The following GRID2 variants were observed in gnomAD, a reference collection of about 807,000 sequenced individuals.
GRID2 encodes glutamate receptor ionotropic, delta-2.
Under a neutral mutation model 114.8 loss-of-function variants are expected in GRID2, and 33 were observed. The ratio of observed to expected loss-of-function variants is 0.29; its 90% CI spans 0.22 to 0.38. The LOEUF (loss-of-function observed/expected upper bound fraction) is 0.38, where lower values mean the gene tolerates loss of function less well. Ranked by LOEUF, GRID2 falls within the 10% of genes least tolerant of loss-of-function variation. The pLI is 1.00. For synonymous variants in GRID2, 505 were observed against 449.9 expected (o/e 1.12, Z -1.55); for missense variants, 1,184 against 1,257.7 (o/e 0.94, Z 0.89).
At chr4:92,606,365 T>A (rs577580649) in intron 2 of GRID2, among the ~76,000 whole-genome samples, 12 of 152,158 alleles carry the variant, frequency 7.9e-5, no homozygotes, top group Admixed American at 7.2e-4. Context: ...AACAGCTGGG[T>A]TAGGTTAACT....
chr4:93,687,570 G>A (rs1318900943), intron 14 of GRID2, among the ~76,000 whole-genome samples: 1 of 151,798 alleles, frequency 6.6e-6, no homozygotes, highest in Non-Finnish European at 1.5e-5. Context: ...GCACCCAGAG[G>A]GCACTTGAAG....
At chr4:93,690,279 A>G (rs1446545741) in intron 14 of GRID2, among the ~76,000 whole-genome samples, 4 of 152,038 alleles carry the variant, frequency 2.6e-5, no homozygotes, top group Non-Finnish European at 5.9e-5. Flanking sequence ...TAAAAAACGC[A>G]CAATAAGATA....
intron 2 of GRID2, among the ~76,000 whole-genome samples, chr4:92,629,714 A>C (rs2149245011): frequency 6.6e-6 from 1 of 151,670 alleles, no homozygotes; most frequent in East Asian, 1.9e-4. Flanking sequence ...GATTTTTAAA[A>C]TTTTAATAGC....
chr4:92,830,662 C>G (rs778617626), intron 2 of GRID2, among the ~76,000 whole-genome samples: 51 of 152,080 alleles, frequency 3.4e-4, no homozygotes, highest in Admixed American at 5.2e-4. Context: ...TGGGCAGATG[C>G]CAAGAAATAA....
In GRID2 at chr4:92,587,985, C is replaced by T. The variant is rs183559356; in HGVS notation, c.89-2146C>T. 7.2e-5 allele frequency among the ~76,000 whole-genome samples: 11 copies of T among 152,202 alleles called. No homozygotes were observed. The East Asian group carries it at 7.7e-4, about 11-fold the overall frequency. On this transcript the variant is annotated intron_variant, in intron 1 of 15. Transcript: ENST00000282020. Reference sequence around the variant, plus strand: ...TGTATAAACACACATTACTACTTTGCGAATAGACATTTAGATTATCTGGTT... The same window carrying T: ...TGTATAAACACACATTACTACTTTGTGAATAGACATTTAGATTATCTGGTT...
At chr4:93,381,159 C>T (rs555236735) in intron 8 of GRID2, among the ~76,000 whole-genome samples, 1 of 152,170 alleles carries the variant, frequency 6.6e-6, no homozygotes, top group South Asian at 2.1e-4. Context: ...CATCCATCAT[C>T]ACCCATCTAT....
chr4:93,109,160 A>C (rs1052208142), intron 3 of GRID2, among the ~76,000 whole-genome samples: 1 of 152,192 alleles, frequency 6.6e-6, no homozygotes, highest in Admixed American at 6.5e-5. Context: ...TCTGACTTGG[A>C]TATTGAATGA....
chr4:93,477,237 C>CT (rs2149442563), intron 11 of GRID2, among the ~76,000 whole-genome samples: 1 of 152,166 alleles, frequency 6.6e-6, no homozygotes, highest in South Asian at 2.1e-4. Context: ...GAGCCTGCTC[C>CT]TAAAATAATG....
At chr4:92,739,959 T>C (rs1736791178) in intron 2 of GRID2, among the ~76,000 whole-genome samples, 1 of 152,172 alleles carries the variant, frequency 6.6e-6, no homozygotes, top group Non-Finnish European at 1.5e-5. Context: ...TGAAAGGGAA[T>C]CCATAATCTC....
At chr4:93,675,197 A>C (rs1338151943) in intron 14 of GRID2, among the ~76,000 whole-genome samples, 1 of 152,144 alleles carries the variant, frequency 6.6e-6, no homozygotes, top group East Asian at 1.9e-4. Flanking sequence ...CTTACATCTC[A>C]AAGGTAATAA....
At chr4:92,745,560 A>T (rs1481594502) in intron 2 of GRID2, among the ~76,000 whole-genome samples, 3 of 152,168 alleles carry the variant, frequency 2.0e-5, no homozygotes, top group Non-Finnish European at 2.9e-5. Context: ...AGATATTTTA[A>T]TACTAGATGA....
chr4:92,720,106 C>T (rs982759232), intron 2 of GRID2, among the ~76,000 whole-genome samples: 1 of 152,008 alleles, frequency 6.6e-6, no homozygotes, highest in Non-Finnish European at 1.5e-5. Flanking sequence ...GTCTCCAGAA[C>T]ATTTCATAGG....
At chr4:93,075,519 G>C (rs1043624389) in intron 2 of GRID2, among the ~76,000 whole-genome samples, 3 of 152,112 alleles carry the variant, frequency 2.0e-5, no homozygotes, top group South Asian at 2.1e-4. Context: ...AGATTGGAAA[G>C]AAAGAAGTAA....
At chr4:93,303,465 G>A (rs1171977823) in intron 8 of GRID2, among the ~76,000 whole-genome samples, 1 of 152,160 alleles carries the variant, frequency 6.6e-6, no homozygotes, top group Non-Finnish European at 1.5e-5. Flanking sequence ...TCTTGGGGTA[G>A]GATGGGCTGA....
intron 2 of GRID2, among the ~76,000 whole-genome samples, chr4:93,018,546 C>T (rs1238528038): frequency 6.6e-6 from 1 of 151,976 alleles, no homozygotes; most frequent in Non-Finnish European, 1.5e-5. Context: ...GAGATCAATT[C>T]CATTTTAAGA....
At chr4:92,360,196 C>T (rs989520637) in intron 1 of GRID2, among the ~76,000 whole-genome samples, 3 of 151,910 alleles carry the variant, frequency 2.0e-5, no homozygotes, top group Admixed American at 6.6e-5. Flanking sequence ...CTATGCAGTT[C>T]CACAATCTTT....
chr4:92,610,114 A>T (rs186274595), intron 2 of GRID2, among the ~76,000 whole-genome samples: 1 of 151,806 alleles, frequency 6.6e-6, no homozygotes, highest in East Asian at 1.9e-4. Flanking sequence ...GGCCAATGGA[A>T]TGTGAACAGA....
At chr4:92,661,742 T>C (rs560516220) in intron 2 of GRID2, among the ~76,000 whole-genome samples, 2 of 151,114 alleles carry the variant, frequency 1.3e-5, no homozygotes, top group South Asian at 4.1e-4. Flanking sequence ...GATGTATATG[T>C]TTAATTTCTC....
chr4:92,744,413 G>A (rs958586675), intron 2 of GRID2, among the ~76,000 whole-genome samples: 3 of 151,458 alleles, frequency 2.0e-5, no homozygotes, highest in South Asian at 2.1e-4. Flanking sequence ...CCTTGAACCC[G>A]GGAGGCGGAG....
Sources: allele counts gnomAD v4.1 joint callset (sites outside exome capture counted in the v4.1 genomes callset), GRCh38; gene constraint gnomAD v4.1.1; transcripts MANE v1.5; gene names NCBI Gene and HGNC (gene_info 2026-07-23, HGNC 2026-07-21).